The following PDE4B variants were observed in gnomAD, a reference collection of about 807,000 sequenced individuals.
The protein encoded by PDE4B is 3',5'-cyclic-AMP phosphodiesterase 4B.
Under a neutral mutation model 82.2 loss-of-function variants are expected in PDE4B, and 20 were observed. That is an observed-to-expected ratio of 0.24 (90% confidence interval 0.17 to 0.35). The LOEUF (loss-of-function observed/expected upper bound fraction) is 0.35. Ranked by LOEUF, PDE4B falls within the 10% of genes least tolerant of loss-of-function variation. The pLI is 1.00. For missense variants in PDE4B, 655 were observed against 907.2 expected (o/e 0.72, Z 3.57); for synonymous variants, 320 against 318.9 (o/e 1.00, Z -0.04).
intron 3 of PDE4B, chr1:66,048,875 T>G (rs1654862809): frequency 6.6e-6 from 1 of 151,988 alleles, no homozygotes; most frequent in Admixed American, 6.6e-5. Flanking sequence ...AAGTGAGTGA[T>G]GGATGAAGTG....
chr1:66,152,435 G>A, intron 3 of PDE4B: 1 of 232,758 alleles, frequency 4.3e-6, no homozygotes, highest in South Asian at 5.3e-5. Context: ...GGCTGTGGCA[G>A]CAGCAGCACA....
intron 1 of PDE4B, among the ~76,000 whole-genome samples, chr1:65,815,049 ATTTATTTATTTAT>A (rs1291285956): frequency 4.8e-5 from 7 of 146,006 alleles, no homozygotes; most frequent in South Asian, 2.1e-4. Flanking sequence ...TTATTTATTT[ATTTATTTATTTAT>A]TTATTATTAT....
intron 6 of PDE4B, among the ~76,000 whole-genome samples, chr1:66,260,402 A>G (rs1262532910): frequency 1.3e-5 from 2 of 152,234 alleles, no homozygotes. Flanking sequence ...GGAAGAACTT[A>G]TGGAATAGAT....
chr1:65,804,532 T>C (rs1052406367), intron 1 of PDE4B, among the ~76,000 whole-genome samples: 1 of 152,150 alleles, frequency 6.6e-6, no homozygotes, highest in African/African-American at 2.4e-5. Flanking sequence ...GGACAGGAAG[T>C]AGTTCCCCTT....
intron 3 of PDE4B, among the ~76,000 whole-genome samples, chr1:66,092,786 A>G (rs1645049341): frequency 6.6e-6 from 1 of 151,994 alleles, no homozygotes; most frequent in Admixed American, 6.6e-5. Context: ...GGTGGGGAAC[A>G]GCAGAGACAA....
intron 3 of PDE4B, among the ~76,000 whole-genome samples, chr1:66,093,076 A>G (rs4655595): frequency 0.13 from 19,992 of 152,042 alleles, 1,643 homozygotes; most frequent in East Asian, 0.31. Context: ...AGTTACTGAA[A>G]TAGTTGAGCC....
In PDE4B at chr1:66,029,427, G is replaced by A. The variant is rs916379820; in HGVS notation, c.281+110592G>A. On this transcript the variant is annotated intron_variant, in intron 3 of 16. Coordinates refer to ENST00000341517, the MANE Select transcript of PDE4B (RefSeq NM_002600.4). Reference sequence around the variant, plus strand: ...TAGATAGGAAGCTTGCTCTAAGTTGGTAGAATGTAATTTAATGCAAGAGAG... The same window carrying A: ...TAGATAGGAAGCTTGCTCTAAGTTGATAGAATGTAATTTAATGCAAGAGAG... 2.6e-4 allele frequency among the ~76,000 whole-genome samples: 40 copies of A among 152,128 alleles called. 1 individual carries two copies. The highest frequency in any genetic ancestry group is 9.4e-4 in the African/African-American group (39 of 41,416).
rs71058455 is a variant in PDE4B, at chr1:66,184,843, C to CTT, written c.282-62610_282-62609dup. On this transcript the variant is annotated intron_variant, in intron 3 of 16. Coordinates refer to ENST00000341517, the MANE Select transcript of PDE4B (RefSeq NM_002600.4). ...TTTAACTTTATTGTGCCCCAGTTTA[C>CTT]TTTTTTTTATTGTACTTTAAGTTTT... is the stretch of plus-strand genomic sequence containing the variant. 6.7e-3 allele frequency among the ~76,000 whole-genome samples: 1,012 copies of CTT among 150,796 alleles called. 13 individuals are homozygous for CTT. The highest frequency in any genetic ancestry group is 0.023 in the African/African-American group (945 of 41,086).
intron 3 of PDE4B, among the ~76,000 whole-genome samples, chr1:66,212,355 A>T (rs1650116621): frequency 1.3e-5 from 2 of 152,092 alleles, no homozygotes. Flanking sequence ...ATAGGCATCC[A>T]TACTTTTCCT....
intron 1 of PDE4B, among the ~76,000 whole-genome samples, chr1:65,825,034 T>G (rs147349789): frequency 1.3e-5 from 2 of 152,316 alleles, no homozygotes; most frequent in Non-Finnish European, 2.9e-5. Flanking sequence ...CAGACATGAT[T>G]AACTGGTGAC....
At chr1:65,981,134 T>C (rs1650663822) in intron 3 of PDE4B, among the ~76,000 whole-genome samples, 1 of 151,970 alleles carries the variant, frequency 6.6e-6, no homozygotes, top group Non-Finnish European at 1.5e-5. Flanking sequence ...GGAAATAGAA[T>C]CCTGAGATGA....
chr1:66,154,714 C>T (rs1002264480), intron 3 of PDE4B, among the ~76,000 whole-genome samples: 2 of 152,208 alleles, frequency 1.3e-5, no homozygotes, highest in African/African-American at 4.8e-5. Context: ...ATATCTTTTC[C>T]TTCTGCATGG....
intron 8 of PDE4B, among the ~76,000 whole-genome samples, chr1:66,337,502 G>T (rs966154368): frequency 2.0e-5 from 3 of 152,208 alleles, no homozygotes; most frequent in Admixed American, 1.3e-4. Flanking sequence ...GACTTGTGTA[G>T]GAGGAACTTG....
intron 1 of PDE4B, among the ~76,000 whole-genome samples, chr1:65,803,667 T>G (rs1645721581): frequency 6.6e-6 from 1 of 152,120 alleles, no homozygotes; most frequent in African/African-American, 2.4e-5. Context: ...ATGGGAAAAC[T>G]CGGATTAAAA....
intron 8 of PDE4B, among the ~76,000 whole-genome samples, chr1:66,341,983 AAAT>A: frequency 6.6e-6 from 1 of 152,340 alleles, no homozygotes; most frequent in African/African-American, 2.4e-5. Context: ...AGTTTAAATC[AAAT>A]AAGTCTAATT....
At position 65,874,295 on chromosome 1, in the gene PDE4B, G is replaced by T. The variant is rs200106533; in HGVS notation, c.-70-38950G>T. Among the ~76,000 whole-genome samples, 78 of 152,108 alleles carry T rather than the reference G, an allele frequency of 5.1e-4. No individual in the cohort carries two copies. In the East Asian group the frequency reaches 0.013, roughly 26 times the overall value. On this transcript the variant is annotated intron_variant, in intron 1 of 16. Coordinates refer to ENST00000341517, the MANE Select transcript of PDE4B (RefSeq NM_002600.4). ...ATCCTGAGACTTTGCTGAAGTTGCT[G>T]ATCAGCTTAAGGAGATTTTGGGCTG...
chr1:65,847,091 T>C (rs1646275719), intron 1 of PDE4B, among the ~76,000 whole-genome samples: 1 of 152,248 alleles, frequency 6.6e-6, no homozygotes, highest in Non-Finnish European at 1.5e-5. Context: ...TGTTGGGCAA[T>C]AGCATTGCTT....
intron 1 of PDE4B, among the ~76,000 whole-genome samples, chr1:65,832,621 T>A (rs1348818666): frequency 6.6e-6 from 1 of 152,160 alleles, no homozygotes; most frequent in East Asian, 1.9e-4. Flanking sequence ...TCAAAGATCA[T>A]AGGAAATATG....
chr1:65,986,263 G>A (rs1650948672), intron 3 of PDE4B, among the ~76,000 whole-genome samples: 1 of 152,154 alleles, frequency 6.6e-6, no homozygotes, highest in South Asian at 2.1e-4. Flanking sequence ...ATTAGGCCAG[G>A]AGACAAATGA....
Sources: allele counts gnomAD v4.1 joint callset (sites outside exome capture counted in the v4.1 genomes callset), GRCh38; gene constraint gnomAD v4.1.1; transcripts MANE v1.5; gene names NCBI Gene and HGNC (gene_info 2026-07-23, HGNC 2026-07-21).